CRLF1: variants seen among roughly 807,000 people sequenced by gnomAD.
CRLF1 encodes the protein cytokine receptor-like factor 1.
A neutral mutation model predicts 48.9 loss-of-function variants in CRLF1; 36 were observed. The ratio of observed to expected loss-of-function variants is 0.74; its 90% CI spans 0.56 to 0.97. The LOEUF (loss-of-function observed/expected upper bound fraction) is 0.97, where lower values mean the gene tolerates loss of function less well. CRLF1 is among the 50% of genes least tolerant of loss of function. The pLI is 0.00. For missense variants in CRLF1, 534 were observed against 575.1 expected, an observed-to-expected ratio of 0.93 and a Z score of 0.73; for synonymous variants, 256 against 253.4, an observed-to-expected ratio of 1.01 and a Z score of -0.10.
chr19:18,599,444 T>C (rs920397527), intron 2 of CRLF1, 121 bp downstream of exon 2: 2 of 1,403,572 alleles, frequency 1.4e-6, no homozygotes, highest in African/African-American at 2.8e-5. Context: ...AAGACCTGCA[T>C]AGCCATGCCA....
At chr19:18,594,531 C>G (rs917387391) in intron 6 of CRLF1, 97 bp from the exon 7 acceptor site, 3 of 921,632 alleles carry the variant, frequency 3.3e-6, no homozygotes, top group Non-Finnish European at 1.4e-6. Flanking sequence ...CCATGCTCCC[C>G]TCGGGGAACC....
rs1976291232 is a variant in CRLF1, at chr19:18,606,112, T to A, written c.115+430A>T. On this transcript the variant is annotated intron_variant, in intron 1 of 8. Transcript: ENST00000392386. The surrounding 1 kb of genome is among the most constrained non-coding windows in gnomAD (Gnocchi z 4.8). ...AGCCCCGCCCTCCCCGTGGGGCTCA[T>A]CCCTCCGCCTGGGGGGGCCCGCTGG... is the stretch of plus-strand genomic sequence containing the variant. Among the ~76,000 whole-genome samples, 1 of 150,740 alleles carries A rather than the reference T, an allele frequency of 6.6e-6. No homozygotes were observed. Among genetic ancestry groups the A allele is most frequent in the South Asian group, 2.1e-4 (1 of 4,796 alleles).
chr19:18,593,811 T>C, intron 8 of CRLF1: 2 of 985,484 alleles, frequency 2.0e-6, no homozygotes, highest in Non-Finnish European at 2.4e-6. Flanking sequence ...AGGGTGAGTA[T>C]GTTCATTCAT....
chr19:18,604,382 C>A (rs958230513), intron 1 of CRLF1, among the ~76,000 whole-genome samples: 1 of 152,226 alleles, frequency 6.6e-6, no homozygotes, highest in Non-Finnish European at 1.5e-5. Flanking sequence ...TTTCTCCTCC[C>A]GGGATATGGG....
Position 18,596,680 on chromosome 19 carries a change from C to T in CRLF1, c.966G>A (p.Lys322=). 3 of 1,614,102 alleles carry T rather than the reference C, an allele frequency of 1.9e-6. No homozygotes were observed. The highest frequency in any genetic ancestry group is 1.7e-6 in the Non-Finnish European group (2 of 1,180,028). The change falls in exon 6 of 9, where the codon AAG becomes AAA. Residue 322 remains lysine, a synonymous_variant. Coordinates refer to ENST00000392386, the MANE Select transcript of CRLF1 (RefSeq NM_004750.5). ...RCNPFGIYGS[K]KAGIWSEWSH... ...TCCACTCACTCCAGATCCCGGCTTT[C>T]TTGGAGCCATAGATGCCAAAGGGGT...
intron 1 of CRLF1, among the ~76,000 whole-genome samples, chr19:18,605,234 C>T (rs998775622): frequency 1.3e-4 from 20 of 152,180 alleles, no homozygotes; most frequent in Admixed American, 3.3e-4. Context: ...TGCCCACCGC[C>T]TGGCAGAGCC....
chr19:18,599,351 C>T (rs1976187824), intron 2 of CRLF1, among the ~76,000 whole-genome samples: 1 of 152,214 alleles, frequency 6.6e-6, no homozygotes. Context: ...AGTGATCCAC[C>T]CACCTCAGCC....
Position 18,597,042 on chromosome 19 carries a change from CG to C in CRLF1, c.704del (p.Thr235ArgfsTer9). 1 of 1,612,430 alleles carries C rather than the reference CG, an allele frequency of 6.2e-7. No individual in the cohort carries two copies. The highest frequency in any genetic ancestry group is 1.1e-5 in the South Asian group (1 of 90,976). On this transcript the variant is annotated frameshift_variant, in exon 5 of 9. Coordinates refer to ENST00000392386, the MANE Select transcript of CRLF1 (RefSeq NM_004750.5). LOFTEE classifies it high-confidence loss of function. The part of the protein sequence containing the change: ...LTLDILDVVT[T>X]DPPPDVHVSR... Reference sequence around the variant, plus strand: ...TCACGTGCACGTCGGGCGGGGGGTCCGTGGTCACTGCGGGGCAGAGGAGGGA... The same window carrying C: ...TCACGTGCACGTCGGGCGGGGGGTCCTGGTCACTGCGGGGCAGAGGAGGGA...
chr19:18,594,032 T>TGGCCCC, intron 8 of CRLF1, 33 bp downstream of exon 8: 9 of 695,804 alleles, frequency 1.3e-5, no homozygotes, highest in Non-Finnish European at 2.0e-5. Context: ...CTCCCCTTGC[T>TGGCCCC]CCCTCCCGCC....
rs556263201 is a variant in CRLF1 at position 18,599,697 on chromosome 19, G to A, written c.265C>T (p.Arg89Cys). The A allele has an allele frequency of 8.7e-6, 14 of 1,611,974 alleles. No homozygotes were observed. The highest frequency in any genetic ancestry group is 1.7e-4 in the Middle Eastern group (1 of 6,050). Reference sequence around the variant, plus strand: ...GCCAAGGTGGAGGCGTTGAGTACACGGGAGAGCTCAGGGGGCAGGCGGCGC... The same window carrying A: ...GCCAAGGTGGAGGCGTTGAGTACACAGGAGAGCTCAGGGGGCAGGCGGCGC... ...NGRRLPPELS[R>C]VLNASTLALA... Residue 89 changes from arginine to cysteine, a missense_variant, in exon 2 of 9, where the codon CGT becomes TGT. By Grantham distance (180) the Arg-to-Cys change is radical (BLOSUM62 -3). Around this residue, in one of 2 missense-constraint regions of CRLF1, gnomAD observed 528 missense variants for 555.7 expected, o/e 0.95. Coordinates refer to ENST00000392386, the MANE Select transcript of CRLF1 (RefSeq NM_004750.5).
At chr19:18,602,003 C>G (rs1976227391) in intron 1 of CRLF1, among the ~76,000 whole-genome samples, 1 of 152,218 alleles carries the variant, frequency 6.6e-6, no homozygotes, top group Non-Finnish European at 1.5e-5. Flanking sequence ...CAGTTTTCCT[C>G]ATCTGCAAAG....
Position 18,606,495 on chromosome 19 carries a change from G to A in CRLF1, c.115+47C>T, listed in dbSNP as rs1273882077. The A allele has an allele frequency of 2.7e-6, 3 of 1,120,606 alleles. No homozygotes were observed. The highest frequency in any genetic ancestry group is 4.4e-5 in the East Asian group (1 of 22,514). The allele number at this position is 1,120,606 out of a possible 1,614,324, so 69.4% of individuals were successfully genotyped here. ...CCCCGCGGCTGCCCCCGGGGCGCCC[G>A]CCCTCTGCTCTGGCAGGGGGGAAGG... On this transcript the variant is annotated intron_variant, in intron 1 of 8. Transcript: ENST00000392386. The surrounding 1 kb of genome is among the most constrained non-coding windows in gnomAD (Gnocchi z 4.8).
In CRLF1 at chr19:18,606,603, C is replaced by CGGCGGCGGCCGCCGCGCGGATTG; in HGVS notation, c.31_53dup (p.Leu19AsnfsTer32). On this transcript the variant is annotated frameshift_variant, in exon 1 of 9. Transcript: ENST00000392386. LOFTEE classifies it high-confidence loss of function. This position sits in a 1 kb window ranked among gnomAD's most constrained non-coding sequence, Gnocchi z 4.8. Reference sequence around the variant, plus strand: ...AGAGCAGCAGCAGCAGGGGCAGCAACGGCGGCGGCCGCCGCGCGGATTGGG... The same window carrying CGGCGGCGGCCGCCGCGCGGATTG: ...AGAGCAGCAGCAGCAGGGGCAGCAACGGCGGCGGCCGCCGCGCGGATTGGGCGGCGGCCGCCGCGCGGATTGGG... 9.1e-7 allele frequency: 1 copy of CGGCGGCGGCCGCCGCGCGGATTG among 1,099,872 alleles called. No individual in the cohort carries two copies. Among genetic ancestry groups the CGGCGGCGGCCGCCGCGCGGATTG allele is most frequent in the Non-Finnish European group, 1.1e-6 (1 of 904,508 alleles). 68.1% of individuals were successfully genotyped at this position (1,099,872 alleles called of 1,614,324 possible).
intron 4 of CRLF1, 136 bp from the exon 5 acceptor site, chr19:18,597,185 G>A (rs939557535): frequency 3.5e-6 from 3 of 847,390 alleles, no homozygotes; most frequent in Non-Finnish European, 5.3e-6. Context: ...CCACCCCCAG[G>A]ACTGGTGGAT....
intron 4 of CRLF1, among the ~76,000 whole-genome samples, chr19:18,597,665 C>T (rs1021202717): frequency 8.6e-5 from 13 of 152,016 alleles, no homozygotes; most frequent in African/African-American, 3.1e-4. Flanking sequence ...ATCTCCTGAC[C>T]TCGTGATCCG....
intron 1 of CRLF1, among the ~76,000 whole-genome samples, chr19:18,604,092 TC>T (rs1976256634): frequency 6.6e-6 from 1 of 152,140 alleles, no homozygotes; most frequent in African/African-American, 2.4e-5. Context: ...TCTCAGCCCT[TC>T]TAGAGTGGGT....
chr19:18,595,027 C>T (rs1568439902), intron 6 of CRLF1, among the ~76,000 whole-genome samples: 1 of 152,146 alleles, frequency 6.6e-6, no homozygotes, highest in Non-Finnish European at 1.5e-5. Context: ...CTGTCCCCAG[C>T]ATGGGCCCAT....
Position 18,605,024 on chromosome 19 carries a change from G to A in CRLF1, c.115+1518C>T, listed in dbSNP as rs377233198. 5.9e-5 allele frequency among the ~76,000 whole-genome samples: 9 copies of A among 152,262 alleles called. No homozygotes were observed. In the South Asian group the frequency reaches 1.7e-3, roughly 28 times the overall value. On this transcript the variant is annotated intron_variant, in intron 1 of 8. Coordinates refer to ENST00000392386, the MANE Select transcript of CRLF1 (RefSeq NM_004750.5). The stretch of plus-strand genomic sequence containing the variant: ...CCGCTGGTACCTGCAGACACTTTAC[G>A]ACCCACCCGCCTGCTGGTCAGGTGC...
At chr19:18,602,938 T>C (rs191533083) in intron 1 of CRLF1, among the ~76,000 whole-genome samples, 5 of 152,320 alleles carry the variant, frequency 3.3e-5, no homozygotes, top group Admixed American at 6.5e-5. Context: ...CTCGAACTCT[T>C]GACCTCCAGT....
Sources: gnomAD v4.1 joint callset for allele counts (sites outside exome capture counted in the v4.1 genomes callset) on GRCh38, gnomAD v4.1.1 for gene constraint, gnomAD v4.1.1 regional missense constraint, Gnocchi (gnomAD v3.1) non-coding constraint, MANE v1.5 for transcripts, NCBI Gene and HGNC (gene_info 2026-07-23, HGNC 2026-07-21) for gene names.